PLEKHG4B: variants seen among roughly 807,000 people sequenced by gnomAD.
PLEKHG4B encodes the protein pleckstrin homology and RhoGEF domain containing G4B, also known as pleckstrin homology domain-containing family G member 4B.
A neutral mutation model predicts 121.3 loss-of-function variants in PLEKHG4B; 111 were observed. The ratio of observed to expected loss-of-function variants is 0.92; its 90% CI spans 0.78 to 1.07. PLEKHG4B has a LOEUF of 1.07. Among genes scored for constraint, PLEKHG4B ranks in the 50% least tolerant of loss-of-function variants. The probability of loss-of-function intolerance (pLI) is 0.00; values close to 1 mark genes in which losing one functional copy is unlikely to be tolerated. For synonymous variants in PLEKHG4B, 738 were observed against 725.0 expected, an observed-to-expected ratio of 1.02 and a Z score of -0.29; for missense variants, 1,831 against 1,757.8, an observed-to-expected ratio of 1.04 and a Z score of -0.74.
chr5:127,045 T>G (rs1277702556), intron 2 of PLEKHG4B, among the ~76,000 whole-genome samples: 3 of 152,142 alleles, frequency 2.0e-5, no homozygotes, highest in African/African-American at 7.2e-5. Context: ...TCTTGCCTGC[T>G]CCTTACTATA....
chr5:156,141 C>G lies in PLEKHG4B; in HGVS notation c.2279C>G (p.Ser760Cys). ...KLVLEDPLLV[S>C]LRLEGGTVLA... ...GTCCTGGAAGACCCACTGCTTGTGT[C>G]TCTCAGGCTGGAGGGGGGCACCGTC... Residue 760 changes from serine to cysteine, a missense_variant, in exon 10 of 20, where the codon TCT (serine) becomes TGT (cysteine). Physicochemically the swap from Ser to Cys is moderately radical, Grantham distance 112 (BLOSUM62 -1). Transcript: ENST00000637938. This position sits in a 1 kb window ranked among gnomAD's most constrained non-coding sequence, Gnocchi z 4.4. 1.9e-6 allele frequency: 3 copies of G among 1,596,770 alleles called. No homozygotes were observed. The highest frequency in any genetic ancestry group is 2.6e-6 in the Non-Finnish European group (3 of 1,171,778).
intron 1 of PLEKHG4B, among the ~76,000 whole-genome samples, chr5:97,106 A>C (rs1044356627): frequency 2.0e-5 from 3 of 151,558 alleles, no homozygotes; most frequent in African/African-American, 7.3e-5. Flanking sequence ...TTCCAAAGTC[A>C]AAACCCCTTA....
chr5:159,067 C>T lies in PLEKHG4B; in HGVS notation c.2487+2156C>T, dbSNP rs1056117431. On this transcript the variant is annotated intron_variant, in intron 11 of 19. Coordinates refer to ENST00000637938, the MANE Select transcript of PLEKHG4B (RefSeq NM_052909.5). This position sits in a 1 kb window ranked among gnomAD's most constrained non-coding sequence, Gnocchi z 5.5. ...TCCCACTCCCAGCCTTCTGCCTGTG[C>T]CCTGCTTCTCGGTGGAAGCCACAGA... Among the ~76,000 whole-genome samples, 3 of 152,104 alleles carry T rather than the reference C, an allele frequency of 2.0e-5. No homozygotes were observed. The highest frequency in any genetic ancestry group is 7.2e-5 in the African/African-American group (3 of 41,398).
intron 7 of PLEKHG4B, among the ~76,000 whole-genome samples, chr5:153,569 G>A (rs1477565258): frequency 6.6e-6 from 1 of 152,228 alleles, no homozygotes; most frequent in Non-Finnish European, 1.5e-5. Context: ...TTCCACAGCT[G>A]CCGCCTTCTG....
At chr5:174,150 GCA>G in intron 18 of PLEKHG4B, 52 bp downstream of exon 18, 1 of 1,124,310 alleles carries the variant, frequency 8.9e-7, no homozygotes, top group Non-Finnish European at 1.3e-6. Flanking sequence ...ACAGCTAGGG[GCA>G]GGGGTCGGGG....
Position 163,547 on chromosome 5 carries a change from A to G in PLEKHG4B, c.3475A>G (p.Ser1159Gly). The change falls in exon 13 of 20, where the codon AGC becomes GGC. Residue 1159 changes from serine to glycine, a missense_variant and splice_region_variant. Ser to Gly is a moderately conservative substitution (Grantham distance 56, BLOSUM62 0). Coordinates refer to ENST00000637938, the MANE Select transcript of PLEKHG4B (RefSeq NM_052909.5). The stretch of plus-strand genomic sequence containing the variant: ...GGAGGATGGGAGGCAGCAGGTGGGC[A>G]GGTGAGGTGGACGTCCCCCTCCTCT... ...AEEDGRQQVG[S>G]SRLRHIMAEM... 2 of 1,585,562 alleles carry G rather than the reference A, an allele frequency of 1.3e-6. No individual in the cohort carries two copies. Among genetic ancestry groups the G allele is most frequent in the Non-Finnish European group, 1.7e-6 (2 of 1,165,702 alleles).
intron 1 of PLEKHG4B, among the ~76,000 whole-genome samples, chr5:92,509 C>CCG (rs2126319606): frequency 3.2e-5 from 2 of 62,888 alleles, no homozygotes; most frequent in African/African-American, 7.2e-5. Context: ...GGTGAAGGCG[C>CCG]GAGCATCAAG....
At position 155,384 on chromosome 5, in the gene PLEKHG4B, A is replaced by G; in HGVS notation, c.2149A>G (p.Ile717Val). Residue 717 changes from isoleucine to valine, a missense_variant, in exon 9 of 20, where the codon ATT becomes GTT. Transcript: ENST00000637938. Reference protein sequence around the residue: ...HFAANCEEAIIFLQNSFCSLN... With the variant: ...HFAANCEEAIVFLQNSFCSLN... Reference sequence around the variant, plus strand: ...CGCTGCAAACTGTGAAGAAGCCATCATTTTCCTACAGAATTCATTCTGCTC... The same window carrying G: ...CGCTGCAAACTGTGAAGAAGCCATCGTTTTCCTACAGAATTCATTCTGCTC... 4.3e-6 allele frequency: 7 copies of G among 1,614,200 alleles called. No homozygotes were observed. Among genetic ancestry groups the G allele is most frequent in the South Asian group, 1.1e-5 (1 of 91,084 alleles).
At chr5:133,941 C>CACACACACACACAT (rs34900477) in intron 2 of PLEKHG4B, among the ~76,000 whole-genome samples, 137 of 146,344 alleles carry the variant, frequency 9.4e-4, no homozygotes, top group African/African-American at 3.3e-3. Flanking sequence ...CACACACACA[C>CACACACACACACAT]ATATATATAT....
In PLEKHG4B at chr5:159,849, G is replaced by A. The variant is rs1296860536; in HGVS notation, c.2488-1934G>A. Among the ~76,000 whole-genome samples, 7 of 152,114 alleles carry A rather than the reference G, an allele frequency of 4.6e-5. No homozygotes were observed. The highest frequency in any genetic ancestry group is 1.0e-4 in the Non-Finnish European group (7 of 68,012). On this transcript the variant is annotated intron_variant, in intron 11 of 19. Transcript: ENST00000637938. The surrounding 1 kb of genome is among the most constrained non-coding windows in gnomAD (Gnocchi z 5.5). ...CTCCGACACTCCCTCACCCTGTCCT[G>A]TGGAGTCTCGGGACTTGGCCTCTGC...
chr5:102,005 T>G (rs1733831972), intron 1 of PLEKHG4B, among the ~76,000 whole-genome samples: 1 of 86,316 alleles, frequency 1.2e-5, no homozygotes, highest in Non-Finnish European at 2.2e-5. Flanking sequence ...GAGAGACTGT[T>G]GTGAGGTTAA....
chr5:93,546 G>A (rs954726738), intron 1 of PLEKHG4B, among the ~76,000 whole-genome samples: 6 of 152,026 alleles, frequency 3.9e-5, no homozygotes, highest in African/African-American at 1.2e-4. Flanking sequence ...TTCACTGTGC[G>A]GCATCCGGTG....
At position 171,412 on chromosome 5, in the gene PLEKHG4B, C is replaced by T. The variant is rs774071116; in HGVS notation, c.4018C>T (p.Leu1340=). The change falls in exon 16 of 20, where the codon CTG becomes TTG. Residue 1340 remains leucine (L), a synonymous_variant. Coordinates refer to ENST00000637938, the MANE Select transcript of PLEKHG4B (RefSeq NM_052909.5). ...VCFQLRHGND[L]LAMDAIRGCD... Reference sequence around the variant, plus strand: ...CTTCCAGCTGCGTCACGGCAATGACCTGCTGGCCATGGACGCCATCCGCGG... The same window carrying T: ...CTTCCAGCTGCGTCACGGCAATGACTTGCTGGCCATGGACGCCATCCGCGG... The T allele has an allele frequency of 1.2e-6, 2 of 1,605,080 alleles. No homozygotes were observed. The highest frequency in any genetic ancestry group is 2.2e-5 in the South Asian group (2 of 90,932).
At position 140,304 on chromosome 5, in the gene PLEKHG4B, G is replaced by A. The variant is rs755483365; in HGVS notation, c.1065G>A (p.Ser355=). 1.5e-5 allele frequency: 22 copies of A among 1,493,808 alleles called. No homozygotes were observed. Among genetic ancestry groups the A allele is most frequent in the South Asian group, 5.5e-5 (4 of 72,990 alleles). 92.5% of individuals were successfully genotyped at this position (1,493,808 alleles called of 1,614,324 possible). A position where few individuals can be genotyped will look rare whatever the true frequency, so the allele number is the denominator to read the frequency against. ...CVQPRRWFRE[S]YMEALRNPMP... The stretch of plus-strand genomic sequence containing the variant: ...AGCCTAGACGCTGGTTCAGGGAGTC[G>A]TACATGGAAGCCTTGCGGAACCCCA... Residue 355 remains serine (S), a synonymous_variant, in exon 3 of 20, where the codon TCG becomes TCA. Coordinates refer to ENST00000637938, the MANE Select transcript of PLEKHG4B (RefSeq NM_052909.5).
chr5:172,895 AG>A lies in PLEKHG4B; in HGVS notation c.4051del. On this transcript the variant is annotated splice_acceptor_variant, in intron 16 of 19. Coordinates refer to ENST00000637938, the MANE Select transcript of PLEKHG4B (RefSeq NM_052909.5). LOFTEE classifies it high-confidence loss of function. ...GAAATCCACCTGTGTGTTCCTCTGC[AG>A]GTGAATTTGAAGGAACAGGGGCAGC... 1 of 1,614,178 alleles carries A rather than the reference AG, an allele frequency of 6.2e-7. No individual in the cohort carries two copies. Among genetic ancestry groups the A allele is most frequent in the African/African-American group, 1.3e-5 (1 of 75,066 alleles).
chr5:169,225 A>G, intron 13 of PLEKHG4B, 115 bp from the exon 14 acceptor site: 1 of 1,435,134 alleles, frequency 7.0e-7, no homozygotes, highest in Non-Finnish European at 9.5e-7. Context: ...TCCAGTCCAC[A>G]TGTGACCCTG....
chr5:102,902 C>G (rs559060647), intron 1 of PLEKHG4B, among the ~76,000 whole-genome samples: 27 of 152,252 alleles, frequency 1.8e-4, no homozygotes, highest in African/African-American at 6.3e-4. Flanking sequence ...GAGTCTGATG[C>G]TGGCTGTGTC....
Position 184,472 on chromosome 5 carries a change from A to C in PLEKHG4B, c.*2149A>C, listed in dbSNP as rs776260949. 1 of 152,228 alleles carries C rather than the reference A, an allele frequency of 6.6e-6. No homozygotes were observed. Among genetic ancestry groups the C allele is most frequent in the Non-Finnish European group, 1.5e-5 (1 of 68,052 alleles). 9.4% of individuals were successfully genotyped at this position (152,228 alleles called of 1,614,324 possible). A position where few individuals can be genotyped will look rare whatever the true frequency, so the allele number is the denominator to read the frequency against. On this transcript the variant is annotated 3_prime_UTR_variant, in exon 20 of 20. Transcript: ENST00000637938. ...GCCAAATTCACATTCTGTACCTGAC[A>C]AAATCTTTCCGAAGCGATGGTGACA...
chr5:134,737 G>T (rs1478276893), intron 2 of PLEKHG4B, among the ~76,000 whole-genome samples: 3 of 149,210 alleles, frequency 2.0e-5, no homozygotes, highest in Admixed American at 6.7e-5. Flanking sequence ...CTGCACTCCA[G>T]CCTGGGCAAC....
Sources: allele counts gnomAD v4.1 joint callset (sites outside exome capture counted in the v4.1 genomes callset), GRCh38; gene constraint gnomAD v4.1.1; non-coding constraint Gnocchi (gnomAD v3.1); transcripts MANE v1.5; gene names NCBI Gene and HGNC (gene_info 2026-07-23, HGNC 2026-07-21).